Variants in LRP1B observed in about 807,000 individuals in gnomAD.
LRP1B encodes the protein LDL receptor related protein 1B.
LRP1B carries 217 observed loss-of-function variants against 556.6 expected under a neutral mutation model. The ratio of observed to expected loss-of-function variants is 0.39; its 90% confidence interval spans 0.35 to 0.44. The LOEUF (loss-of-function observed/expected upper bound fraction) is 0.44. Ranked by LOEUF, LRP1B falls within the 20% of genes least tolerant of loss-of-function variation. LRP1B has a pLI of 1.00. For missense variants in LRP1B, 5,053 were observed against 5,620.8 expected, an observed-to-expected ratio of 0.90 and a Z score of 3.23; for synonymous variants, 2,047 against 1,865.8, an observed-to-expected ratio of 1.10 and a Z score of -2.50.
chr2:141,935,100 A>T (rs1700600377), intron 1 of LRP1B, among the ~76,000 whole-genome samples: 1 of 152,208 alleles, frequency 6.6e-6, no homozygotes, highest in East Asian at 1.9e-4. Flanking sequence ...CTCCATTGTA[A>T]AAATAAAAGC....
chr2:141,730,490 G>A (rs116190277), intron 2 of LRP1B, among the ~76,000 whole-genome samples: 112 of 152,222 alleles, frequency 7.4e-4, no homozygotes, highest in African/African-American at 2.6e-3. Context: ...GCCATGATAC[G>A]TGCTTACTTG....
chr2:140,748,597 ATATATAT>A (rs1688433166), intron 35 of LRP1B, among the ~76,000 whole-genome samples: 1 of 22,782 alleles, frequency 4.4e-5, no homozygotes, highest in Non-Finnish European at 1.2e-4. Flanking sequence ...GTGTGTATAT[ATATATAT>A]ATATATATAT....
intron 66 of LRP1B, among the ~76,000 whole-genome samples, chr2:140,441,938 G>A (rs1444701853): frequency 6.6e-6 from 1 of 152,046 alleles, no homozygotes. Context: ...CTCCATTTCT[G>A]CGATAACAAT....
intron 32 of LRP1B, among the ~76,000 whole-genome samples, chr2:140,802,582 G>T (rs1690553807): frequency 6.6e-6 from 1 of 152,106 alleles, no homozygotes; most frequent in Non-Finnish European, 1.5e-5. Context: ...TAACAGCACA[G>T]CATACCTGCA....
chr2:141,854,954 G>A (rs1181836369), intron 1 of LRP1B, among the ~76,000 whole-genome samples: 2 of 152,028 alleles, frequency 1.3e-5, no homozygotes, highest in Non-Finnish European at 2.9e-5. Context: ...AAGTGAATAT[G>A]CCTAAATTTA....
intron 41 of LRP1B, among the ~76,000 whole-genome samples, chr2:140,671,443 T>C (rs4473326): frequency 0.52 from 79,352 of 151,494 alleles, 23,793 homozygotes; most frequent in Non-Finnish European, 0.69. Context: ...ATGTCGTGAA[T>C]CCGAGAGGCA....
intron 3 of LRP1B, among the ~76,000 whole-genome samples, chr2:141,261,742 G>A (rs937327792): frequency 2.0e-5 from 3 of 152,132 alleles, no homozygotes; most frequent in South Asian, 2.1e-4. Context: ...TGGTTACTGA[G>A]TAATAATCCA....
chr2:140,383,680 G>A (rs779340336), intron 67 of LRP1B, among the ~76,000 whole-genome samples: 7 of 152,142 alleles, frequency 4.6e-5, no homozygotes, highest in South Asian at 2.1e-4. Context: ...AAATGTAAAC[G>A]TACTCTTATA....
intron 1 of LRP1B, among the ~76,000 whole-genome samples, chr2:142,095,630 C>T (rs565096282): frequency 1.6e-4 from 24 of 151,792 alleles, no homozygotes; most frequent in African/African-American, 5.8e-4. Flanking sequence ...AAACTGTACT[C>T]CAGTGGCTTC....
intron 1 of LRP1B, among the ~76,000 whole-genome samples, chr2:142,044,072 C>T (rs1270492030): frequency 1.3e-5 from 2 of 151,646 alleles, no homozygotes; most frequent in African/African-American, 4.8e-5. Context: ...ATGTCTATCA[C>T]AATTATTTTT....
intron 68 of LRP1B, among the ~76,000 whole-genome samples, chr2:140,376,235 T>C (rs7583997): frequency 6.6e-6 from 1 of 152,194 alleles, no homozygotes; most frequent in Non-Finnish European, 1.5e-5. Flanking sequence ...TGGGATGAGA[T>C]ACATGGTAAT....
chr2:142,018,084 T>A (rs1355612947), intron 1 of LRP1B, among the ~76,000 whole-genome samples: 1 of 152,136 alleles, frequency 6.6e-6, no homozygotes, highest in Non-Finnish European at 1.5e-5. Context: ...ATAGGTAAGA[T>A]TTTCTCTGTG....
intron 1 of LRP1B, among the ~76,000 whole-genome samples, chr2:142,003,420 A>G (rs1448537485): frequency 6.6e-6 from 1 of 152,170 alleles, no homozygotes. Context: ...GTGCCTTTTT[A>G]CCAAACAGAA....
chr2:141,764,745 A>G (rs1694678665), intron 2 of LRP1B, among the ~76,000 whole-genome samples: 1 of 152,184 alleles, frequency 6.6e-6, no homozygotes, highest in Non-Finnish European at 1.5e-5. Flanking sequence ...TTTAACCAAA[A>G]TGTTTATAAC....
intron 14 of LRP1B, among the ~76,000 whole-genome samples, chr2:141,010,974 G>A (rs541743357): frequency 4.0e-5 from 6 of 150,270 alleles, no homozygotes; most frequent in Admixed American, 1.3e-4. Flanking sequence ...GTGTGTGTGT[G>A]TGTGTGTATT....
At chr2:140,986,967 C>A (rs907352357) in intron 17 of LRP1B, among the ~76,000 whole-genome samples, 10 of 152,096 alleles carry the variant, frequency 6.6e-5, no homozygotes, top group African/African-American at 2.4e-4. Flanking sequence ...ATTGGAAAGT[C>A]TTTTTATCTA....
chr2:140,480,700 C>G (rs920482431), intron 59 of LRP1B, among the ~76,000 whole-genome samples: 1 of 152,120 alleles, frequency 6.6e-6, no homozygotes, highest in Non-Finnish European at 1.5e-5. Context: ...CTTGACCTCC[C>G]AAAGTCCTGG....
At chr2:140,329,875 C>T (rs1465349742) in intron 79 of LRP1B, among the ~76,000 whole-genome samples, 4 of 136,998 alleles carry the variant, frequency 2.9e-5, no homozygotes, top group Non-Finnish European at 6.7e-5. Context: ...ACATCCTTCA[C>T]CAAATTAGAA....
At chr2:141,266,333 A>T (rs1684887739) in intron 3 of LRP1B, among the ~76,000 whole-genome samples, 1 of 151,630 alleles carries the variant, frequency 6.6e-6, no homozygotes, top group African/African-American at 2.4e-5. Flanking sequence ...CAAAAAAAAA[A>T]AAAAAAAAAA....
Sources: allele counts gnomAD v4.1 joint callset (sites outside exome capture counted in the v4.1 genomes callset), GRCh38; gene constraint gnomAD v4.1.1; transcripts MANE v1.5; gene names NCBI Gene and HGNC (gene_info 2026-07-23, HGNC 2026-07-21).